Variants in BTAF1 observed in about 807,000 individuals in gnomAD.
BTAF1 encodes TATA-binding protein-associated factor 172.
BTAF1 carries 38 observed loss-of-function variants against 227.1 expected under a neutral mutation model. That is an observed-to-expected ratio of 0.17 (90% CI 0.13 to 0.22). The LOEUF (loss-of-function observed/expected upper bound fraction) is 0.22. Ranked by LOEUF, BTAF1 falls within the 10% of genes least tolerant of loss-of-function variation. The pLI, the probability that BTAF1 is intolerant of heterozygous loss-of-function variation, is 1.00. For missense variants in BTAF1, 1,598 were observed against 2,204.0 expected (o/e 0.73, Z 5.51); for synonymous variants, 742 against 751.9 (o/e 0.99, Z 0.21).
chr10:91,998,884 G>A (rs932144324), intron 25 of BTAF1, among the ~76,000 whole-genome samples: 4 of 151,986 alleles, frequency 2.6e-5, no homozygotes, highest in Non-Finnish European at 5.9e-5. Context: ...ACAAAATGGT[G>A]AAACCTCGTC....
Position 91,957,199 on chromosome 10 carries a change from G to C in BTAF1, c.832-26G>C, listed in dbSNP as rs1564672160. The C allele has an allele frequency of 2.5e-6, 4 of 1,587,528 alleles. No homozygotes were observed. The East Asian group carries it at 6.7e-5, about 27-fold the overall frequency. On this transcript the variant is annotated intron_variant, in intron 7 of 37. Transcript: ENST00000265990. The stretch of plus-strand genomic sequence containing the variant: ...AGCATAAAATAGACCTTTTGAACTA[G>C]TAGTAATTCTGTTTTTCTTATTCAG...
chr10:91,997,926 T>A (rs546949830), intron 25 of BTAF1, among the ~76,000 whole-genome samples, 175 bp downstream of exon 25: 1 of 151,902 alleles, frequency 6.6e-6, no homozygotes, highest in South Asian at 2.1e-4. Flanking sequence ...CTGGCCAACA[T>A]GGGTGAAACC....
intron 2 of BTAF1, among the ~76,000 whole-genome samples, chr10:91,939,562 C>T (rs545988795): frequency 1.3e-5 from 2 of 152,266 alleles, no homozygotes; most frequent in Admixed American, 1.3e-4. Context: ...TCTCAGCCTC[C>T]CAAGTAGTCG....
intron 1 of BTAF1, 88 bp from the exon 2 acceptor site, chr10:91,935,569 T>A: frequency 7.2e-7 from 1 of 1,392,612 alleles, no homozygotes; most frequent in Non-Finnish European, 9.7e-7. Context: ...TCTTCATTCA[T>A]AGCATCTGCT....
intron 28 of BTAF1, 146 bp downstream of exon 28, chr10:92,009,354 G>C (rs1850147559): frequency 1.1e-6 from 1 of 881,078 alleles, no homozygotes; most frequent in Non-Finnish European, 1.7e-6. Flanking sequence ...ATGTACTTTG[G>C]GAAGATATAA....
intron 14 of BTAF1, among the ~76,000 whole-genome samples, chr10:91,976,991 T>A (rs575697180): frequency 1.3e-5 from 2 of 152,174 alleles, no homozygotes; most frequent in African/African-American, 4.8e-5. Flanking sequence ...AGGCATCATG[T>A]TAGAAGTGAA....
intron 19 of BTAF1, among the ~76,000 whole-genome samples, chr10:91,986,004 T>G (rs551216404): frequency 6.6e-6 from 1 of 152,224 alleles, no homozygotes; most frequent in East Asian, 1.9e-4. Context: ...ATGGCTATTA[T>G]GTTGTGTGAC....
chr10:91,969,163 G>A (rs1847123879), intron 14 of BTAF1, among the ~76,000 whole-genome samples: 1 of 150,234 alleles, frequency 6.7e-6, no homozygotes, highest in East Asian at 2.0e-4. Context: ...GTATATTTTA[G>A]ATACAGTTTC....
chr10:91,933,041 A>G (rs1168062609), intron 1 of BTAF1, among the ~76,000 whole-genome samples: 1 of 152,162 alleles, frequency 6.6e-6, no homozygotes, highest in African/African-American at 2.4e-5. Flanking sequence ...TGCAACCCCA[A>G]CCAGTGACCA....
At chr10:91,993,991 T>TA (rs1311759051) in intron 22 of BTAF1, 144 bp downstream of exon 22, 59 of 606,210 alleles carry the variant, frequency 9.7e-5, no homozygotes, top group South Asian at 3.3e-4. Flanking sequence ...AAACTTGGTT[T>TA]AAAAAAAACA....
chr10:91,964,195 A>C lies in BTAF1; in HGVS notation c.1523A>C (p.Gln508Pro), dbSNP rs781421428. 3 of 1,611,656 alleles carry C rather than the reference A, an allele frequency of 1.9e-6. No homozygotes were observed. The Admixed American group carries it at 5.0e-5, about 27-fold the overall frequency. Reference protein sequence around the residue: ...SSLLTYPQVQQCSIQQSLTVL... With the variant: ...SSLLTYPQVQPCSIQQSLTVL... ...TTGTTAACTTACCCTCAGGTCCAAC[A>C]ATGCAGGTAATTATTTCTAATTAGT... Residue 508 changes from glutamine (Q) to proline (P), a missense_variant, in exon 13 of 38, where the codon CAA (glutamine) becomes CCA (proline). By Grantham distance (76) the Gln-to-Pro change is moderately conservative. Transcript: ENST00000265990.
intron 34 of BTAF1, among the ~76,000 whole-genome samples, chr10:92,019,407 T>G (rs1335177077): frequency 2.0e-5 from 3 of 152,238 alleles, no homozygotes; most frequent in Non-Finnish European, 4.4e-5. Context: ...TCCATTTCTG[T>G]GTCAGTGGAC....
intron 15 of BTAF1, among the ~76,000 whole-genome samples, chr10:91,980,788 C>G (rs1848010057): frequency 6.6e-6 from 1 of 152,070 alleles, no homozygotes; most frequent in South Asian, 2.1e-4. Flanking sequence ...GTGTTTTAAG[C>G]ACTTTCTGAT....
At chr10:92,024,687 T>C in intron 34 of BTAF1, 69 bp from the exon 35 acceptor site, 2 of 1,280,226 alleles carry the variant, frequency 1.6e-6, no homozygotes, top group Non-Finnish European at 2.2e-6. Context: ...CAGAGAGGAA[T>C]GTCACAGTGA....
chr10:91,929,576 C>G lies in BTAF1; in HGVS notation c.14+5486C>G, dbSNP rs114512603. ...GCAACATTGTTTCAACAGGCCTATT[C>G]TGTCAAATAAAAGGAAGTTTCTTGA... On this transcript the variant is annotated intron_variant, in intron 1 of 37. Coordinates refer to ENST00000265990, the MANE Select transcript of BTAF1 (RefSeq NM_003972.3). Among the ~76,000 whole-genome samples, 275 of 152,324 alleles carry G rather than the reference C, an allele frequency of 1.8e-3. 1 individual carries two copies. The highest frequency in any genetic ancestry group is 6.1e-3 in the African/African-American group (252 of 41,574).
intron 21 of BTAF1, among the ~76,000 whole-genome samples, 197 bp downstream of exon 21, chr10:91,992,506 C>T (rs985573940): frequency 6.6e-6 from 1 of 152,082 alleles, no homozygotes; most frequent in African/African-American, 2.4e-5. Context: ...TTTTTACCAG[C>T]TTAACTTTAT....
At chr10:91,987,512 C>T (rs1848488480) in intron 19 of BTAF1, among the ~76,000 whole-genome samples, 1 of 151,612 alleles carries the variant, frequency 6.6e-6, no homozygotes, top group South Asian at 2.1e-4. Context: ...CATGTTTAAT[C>T]TCTTCTCTAT....
intron 28 of BTAF1, among the ~76,000 whole-genome samples, chr10:92,010,114 T>G (rs1358001400): frequency 1.3e-5 from 2 of 152,014 alleles, no homozygotes; most frequent in Non-Finnish European, 2.9e-5. Flanking sequence ...AAACAAAAAA[T>G]TGTGCATTAT....
intron 35 of BTAF1, 126 bp downstream of exon 35, chr10:92,025,093 C>A: frequency 9.5e-6 from 7 of 737,152 alleles, no homozygotes; most frequent in Non-Finnish European, 8.7e-6. Flanking sequence ...GTAATTCACC[C>A]CAAATAAACC....
Sources: gnomAD v4.1 joint callset for allele counts (sites outside exome capture counted in the v4.1 genomes callset) on GRCh38, gnomAD v4.1.1 for gene constraint, MANE v1.5 for transcripts, NCBI Gene and HGNC (gene_info 2026-07-23, HGNC 2026-07-21) for gene names.